Variants in SLC2A13 observed in about 807,000 individuals in gnomAD.
SLC2A13 encodes proton myo-inositol cotransporter.
In SLC2A13, 32 loss-of-function variants were observed where a neutral mutation model predicts 64.4. That is an observed-to-expected ratio of 0.50 (90% CI 0.37 to 0.67). The LOEUF is 0.67. Among genes scored for constraint, SLC2A13 ranks in the 30% least tolerant of loss-of-function variants. The pLI, the probability that SLC2A13 is intolerant of heterozygous loss-of-function variation, is 0.00. For missense variants in SLC2A13, 743 were observed against 829.2 expected, an observed-to-expected ratio of 0.90 and a Z score of 1.28; for synonymous variants, 338 against 327.1, an observed-to-expected ratio of 1.03 and a Z score of -0.36.
chr12:39,966,257 G>A (rs1348025899), intron 3 of SLC2A13, among the ~76,000 whole-genome samples: 1 of 151,894 alleles, frequency 6.6e-6, no homozygotes, highest in Non-Finnish European at 1.5e-5. Context: ...CATCATTACA[G>A]AATCTTCTTA....
intron 5 of SLC2A13, among the ~76,000 whole-genome samples, chr12:39,868,724 A>T (rs1209391419): frequency 1.3e-5 from 2 of 152,190 alleles, no homozygotes; most frequent in Admixed American, 1.3e-4. Flanking sequence ...TCCAATATTA[A>T]AGAATCAAGA....
At chr12:39,893,876 T>C (rs947897890) in intron 4 of SLC2A13, among the ~76,000 whole-genome samples, 2 of 152,194 alleles carry the variant, frequency 1.3e-5, no homozygotes, top group Non-Finnish European at 2.9e-5. Context: ...GAATTCACAA[T>C]CCATATGAAA....
chr12:40,027,220 CTT>C (rs1369209401), intron 3 of SLC2A13, among the ~76,000 whole-genome samples: 1 of 152,012 alleles, frequency 6.6e-6, no homozygotes. Flanking sequence ...AAAAGTAAAA[CTT>C]TTTGTTAAAG....
At chr12:39,917,273 G>A (rs929164887) in intron 4 of SLC2A13, among the ~76,000 whole-genome samples, 1 of 152,058 alleles carries the variant, frequency 6.6e-6, no homozygotes, top group Non-Finnish European at 1.5e-5. Context: ...CAGGAAACAG[G>A]GAAAGGAACA....
At chr12:39,772,161 C>T (rs572215623) in intron 7 of SLC2A13, among the ~76,000 whole-genome samples, 1 of 152,142 alleles carries the variant, frequency 6.6e-6, no homozygotes, top group East Asian at 1.9e-4. Flanking sequence ...AGATTTCATC[C>T]CAGGGAGTAC....
intron 6 of SLC2A13, among the ~76,000 whole-genome samples, chr12:39,853,267 G>A (rs2135899534): frequency 6.6e-6 from 1 of 152,230 alleles, no homozygotes. Flanking sequence ...GGAAAATAAA[G>A]GCATCTCATC....
intron 1 of SLC2A13, among the ~76,000 whole-genome samples, chr12:40,053,034 G>A (rs1362047508): frequency 1.3e-5 from 2 of 152,056 alleles, no homozygotes; most frequent in African/African-American, 2.4e-5. Context: ...TATAATCCCA[G>A]CACTTTGGGA....
At chr12:40,039,232 T>C (rs1336796549) in intron 2 of SLC2A13, among the ~76,000 whole-genome samples, 2 of 152,228 alleles carry the variant, frequency 1.3e-5, no homozygotes, top group African/African-American at 4.8e-5. Context: ...GTCTACTTTG[T>C]GTGACTATTA....
At chr12:39,766,295 G>A (rs758937007) in intron 7 of SLC2A13, among the ~76,000 whole-genome samples, 7 of 152,032 alleles carry the variant, frequency 4.6e-5, no homozygotes, top group Non-Finnish European at 1.0e-4. Flanking sequence ...TGGGTCACAC[G>A]GATTTTTTGG....
chr12:39,777,527 T>C (rs1180928425), intron 7 of SLC2A13, among the ~76,000 whole-genome samples: 1 of 152,056 alleles, frequency 6.6e-6, no homozygotes, highest in Non-Finnish European at 1.5e-5. Flanking sequence ...CCCATGGACA[T>C]AGGTGAGGAC....
At chr12:40,043,665 T>C (rs968477931) in intron 2 of SLC2A13, among the ~76,000 whole-genome samples, 2 of 152,096 alleles carry the variant, frequency 1.3e-5, no homozygotes, top group African/African-American at 4.8e-5. Flanking sequence ...CAAGCAGCGA[T>C]AGAACTTTAT....
intron 1 of SLC2A13, among the ~76,000 whole-genome samples, chr12:40,065,429 A>C (rs1452458636): frequency 6.6e-6 from 1 of 151,920 alleles, no homozygotes; most frequent in Non-Finnish European, 1.5e-5. Flanking sequence ...AAGAAAAAAA[A>C]AAAAAACTAG....
intron 4 of SLC2A13, among the ~76,000 whole-genome samples, chr12:39,901,066 C>T (rs766569794): frequency 6.6e-6 from 1 of 152,104 alleles, no homozygotes; most frequent in Non-Finnish European, 1.5e-5. Context: ...TTTGACAAAC[C>T]TGAGAAAAAC....
At chr12:40,101,019 C>G (rs1408715032) in intron 1 of SLC2A13, among the ~76,000 whole-genome samples, 1 of 140,918 alleles carries the variant, frequency 7.1e-6, no homozygotes, top group Non-Finnish European at 1.5e-5. Flanking sequence ...ACAATCATTT[C>G]TGGGATGGAA....
chr12:40,068,830 G>GT (rs373453524), intron 1 of SLC2A13, among the ~76,000 whole-genome samples: 4,244 of 147,472 alleles, frequency 0.029, 173 homozygotes, highest in Admixed American at 0.1. Context: ...GAGATCTCTT[G>GT]TTTTTTTTTT....
chr12:39,984,236 G>A (rs933135195), intron 3 of SLC2A13, among the ~76,000 whole-genome samples: 1 of 151,800 alleles, frequency 6.6e-6, no homozygotes, highest in Non-Finnish European at 1.5e-5. Context: ...GCTAGATGAC[G>A]AGTTAGTGGG....
intron 3 of SLC2A13, among the ~76,000 whole-genome samples, chr12:39,971,830 A>G (rs1467348971): frequency 1.3e-5 from 2 of 151,138 alleles, no homozygotes; most frequent in Non-Finnish European, 2.9e-5. Context: ...CAAATATTAG[A>G]TGGGCATGTT....
intron 7 of SLC2A13, among the ~76,000 whole-genome samples, chr12:39,797,293 T>C (rs73272583): frequency 0.012 from 1,846 of 152,336 alleles, 33 homozygotes; most frequent in African/African-American, 0.042. Context: ...TTTAAGTACA[T>C]TGAAAAATGC....
At chr12:39,961,078 T>C (rs1378203871) in intron 3 of SLC2A13, among the ~76,000 whole-genome samples, 1 of 140,426 alleles carries the variant, frequency 7.1e-6, no homozygotes, top group Non-Finnish European at 1.6e-5. Context: ...TGTTTTTTTC[T>C]TTTTTTTTTT....
Sources: gnomAD v4.1 joint callset for allele counts (sites outside exome capture counted in the v4.1 genomes callset) on GRCh38, gnomAD v4.1.1 for gene constraint, MANE v1.5 for transcripts, NCBI Gene and HGNC (gene_info 2026-07-23, HGNC 2026-07-21) for gene names.